EFR3A: variants seen among roughly 807,000 people sequenced by gnomAD.
EFR3A encodes the protein protein EFR3 homolog A.
A neutral mutation model predicts 104.4 loss-of-function variants in EFR3A; 76 were observed. That is an observed-to-expected ratio of 0.73 (90% CI 0.60 to 0.88). The LOEUF is 0.88. Ranked by LOEUF, EFR3A falls within the 40% of genes least tolerant of loss-of-function variation. The pLI, the probability that EFR3A is intolerant of heterozygous loss-of-function variation, is 0.00. For missense variants in EFR3A, 985 were observed against 1,012.5 expected, an observed-to-expected ratio of 0.97 and a Z score of 0.37; for synonymous variants, 330 against 330.0, an observed-to-expected ratio of 1.00 and a Z score of 0.00.
intron 1 of EFR3A, among the ~76,000 whole-genome samples, chr8:131,920,509 GA>G (rs1232217807): frequency 6.6e-6 from 1 of 152,134 alleles, no homozygotes; most frequent in Non-Finnish European, 1.5e-5. Flanking sequence ...ATAACTTCTA[GA>G]AGTGGTAAGT....
At position 131,985,149 on chromosome 8, in the gene EFR3A, T is replaced by G. The variant is rs1426565314; in HGVS notation, c.1869+89T>G. ...GATGATTATTTTTAACTTTGGTGAT[T>G]ACGTATCAAATTAAGGTAATTCTAT... On this transcript the variant is annotated intron_variant, in intron 16 of 22. Coordinates refer to ENST00000254624, the MANE Select transcript of EFR3A (RefSeq NM_015137.6). The G allele has an allele frequency of 2.2e-5, 29 of 1,310,724 alleles. No individual in the cohort carries two copies. The African/African-American group carries it at 4.3e-4, about 19-fold the overall frequency. The allele number at this position is 1,310,724 out of a possible 1,614,324, so 81.2% of individuals were successfully genotyped here. A position where few individuals can be genotyped will look rare whatever the true frequency, so the allele number is the denominator to read the frequency against.
chr8:132,010,828 C>A lies in EFR3A; in HGVS notation c.2399C>A (p.Ser800Tyr), dbSNP rs761190171. ...CCATCAGGAACACTGACCATTACTTCTGGGCATGCCCAATACCAATCTGTC... is the reference window on the plus strand; with the variant it reads ...CCATCAGGAACACTGACCATTACTTATGGGCATGCCCAATACCAATCTGTC... ...PSPSGTLTIT[S>Y]GHAQYQSVPV... is the part of the protein sequence containing the mutation. The change falls in exon 23 of 23, where the codon TCT becomes TAT. Residue 800 changes from serine to tyrosine, a missense_variant. Physicochemically the swap from Ser to Tyr is moderately radical, Grantham distance 144. Transcript: ENST00000254624. The A allele has an allele frequency of 3.7e-6, 6 of 1,612,464 alleles. No homozygotes were observed. Among genetic ancestry groups the A allele is most frequent in the Admixed American group, 3.3e-5 (2 of 59,880 alleles).
At chr8:131,940,725 C>T in intron 2 of EFR3A, 150 bp downstream of exon 2, 2 of 1,273,164 alleles carry the variant, frequency 1.6e-6, no homozygotes, top group East Asian at 2.6e-5. Flanking sequence ...CTTTTTTTTA[C>T]TCTTAAATGA....
chr8:131,936,193 C>G (rs1586564234), intron 1 of EFR3A, among the ~76,000 whole-genome samples: 1 of 152,064 alleles, frequency 6.6e-6, no homozygotes, highest in Admixed American at 6.5e-5. Flanking sequence ...TGTTTAGGGA[C>G]TAAGAGGCAT....
chr8:131,963,384 G>A (rs1715059824), intron 8 of EFR3A, among the ~76,000 whole-genome samples: 1 of 151,870 alleles, frequency 6.6e-6, no homozygotes, highest in African/African-American at 2.4e-5. Context: ...AATGATAAAG[G>A]GGATATCACC....
intron 1 of EFR3A, among the ~76,000 whole-genome samples, chr8:131,905,956 A>G (rs1387742159): frequency 2.6e-5 from 4 of 152,262 alleles, no homozygotes; most frequent in Admixed American, 2.0e-4. Flanking sequence ...TCATTCTGCA[A>G]AATGATTTTA....
intron 2 of EFR3A, among the ~76,000 whole-genome samples, chr8:131,942,887 A>T (rs1177395514): frequency 6.6e-6 from 1 of 152,122 alleles, no homozygotes; most frequent in East Asian, 1.9e-4. Context: ...ATGATTTGTA[A>T]ACTGTATGAT....
rs565356001 is a variant in EFR3A, at chr8:131,923,933, G to A, written c.11-16566G>A. The stretch of plus-strand genomic sequence containing the variant: ...TGGTAGATTTAGTTTCTTTTTTTAA[G>A]CAATTAAAAGCCCGCAGCACTGTGA... On this transcript the variant is annotated intron_variant, in intron 1 of 22. Coordinates refer to ENST00000254624, the MANE Select transcript of EFR3A (RefSeq NM_015137.6). 5.9e-5 allele frequency among the ~76,000 whole-genome samples: 9 copies of A among 152,092 alleles called. No individual in the cohort carries two copies. In the South Asian group the frequency reaches 1.9e-3, roughly 32 times the overall value.
intron 1 of EFR3A, among the ~76,000 whole-genome samples, chr8:131,928,929 G>A (rs1248429155): frequency 6.6e-6 from 1 of 151,980 alleles, no homozygotes; most frequent in African/African-American, 2.4e-5. Flanking sequence ...TGTTTATTCA[G>A]AGGTCTTCTC....
At chr8:132,006,467 AAACT>A (rs1490360253) in intron 22 of EFR3A, among the ~76,000 whole-genome samples, 4 of 152,124 alleles carry the variant, frequency 2.6e-5, no homozygotes, top group African/African-American at 9.6e-5. Context: ...TTGAAAGTCA[AAACT>A]AACTAAAATT....
intron 3 of EFR3A, among the ~76,000 whole-genome samples, chr8:131,945,937 A>G (rs1586581274): frequency 6.6e-6 from 1 of 151,838 alleles, no homozygotes. Flanking sequence ...ATCCCTCCAC[A>G]CCCTGCCCTC....
At chr8:131,905,164 G>A (rs777234888) in intron 1 of EFR3A, among the ~76,000 whole-genome samples, 2 of 152,206 alleles carry the variant, frequency 1.3e-5, no homozygotes, top group African/African-American at 4.8e-5. Flanking sequence ...CTGATCTTGG[G>A]TAGAGAGGAA....
intron 8 of EFR3A, among the ~76,000 whole-genome samples, chr8:131,967,945 C>T (rs1586622241): frequency 1.3e-5 from 2 of 151,986 alleles, no homozygotes; most frequent in South Asian, 4.1e-4. Context: ...TTTGAAATTA[C>T]AGAGAAATAT....
At chr8:131,929,806 G>C (rs896355094) in intron 1 of EFR3A, among the ~76,000 whole-genome samples, 1 of 152,104 alleles carries the variant, frequency 6.6e-6, no homozygotes, top group Admixed American at 6.6e-5. Context: ...TCTCTGAGTT[G>C]AGAACCAACT....
Position 132,011,308 on chromosome 8 carries a change from T to C in EFR3A, c.*413T>C, listed in dbSNP as rs1822334047. On this transcript the variant is annotated 3_prime_UTR_variant, in exon 23 of 23. Transcript: ENST00000254624. ...ATGTAGAATTTTTGTTGTTGTTTTC[T>C]GCAAAGGCAGATACATTTAAATATA... is the stretch of plus-strand genomic sequence containing the variant. The C allele has an allele frequency of 9.1e-6, 9 of 988,290 alleles. No homozygotes were observed. The South Asian group carries it at 4.2e-4, about 46-fold the overall frequency. 61.2% of individuals were successfully genotyped at this position (988,290 alleles called of 1,614,324 possible). A position where few individuals can be genotyped will look rare whatever the true frequency, so the allele number is the denominator to read the frequency against.
chr8:131,973,510 A>G (rs1180237906), intron 10 of EFR3A, among the ~76,000 whole-genome samples: 2 of 152,204 alleles, frequency 1.3e-5, no homozygotes, highest in Non-Finnish European at 2.9e-5. Context: ...TCAGAATAAC[A>G]TGTAAGAATT....
intron 4 of EFR3A, among the ~76,000 whole-genome samples, chr8:131,947,936 G>C (rs1818516548): frequency 6.6e-6 from 1 of 151,838 alleles, no homozygotes; most frequent in Admixed American, 6.6e-5. Flanking sequence ...CTTCTATCTT[G>C]AACCATTGTC....
chr8:131,987,807 A>T, intron 18 of EFR3A, 105 bp downstream of exon 18: 1 of 1,218,104 alleles, frequency 8.2e-7, no homozygotes, highest in Non-Finnish European at 1.1e-6. Context: ...GTGTGTCCTT[A>T]CTATAGCCCA....
chr8:131,945,131 C>G (rs1289184683), intron 3 of EFR3A, among the ~76,000 whole-genome samples: 1 of 151,778 alleles, frequency 6.6e-6, no homozygotes, highest in Non-Finnish European at 1.5e-5. Context: ...ATTTTTGAGT[C>G]TTTTCTAATG....
Sources: gnomAD v4.1 joint callset for allele counts (sites outside exome capture counted in the v4.1 genomes callset) on GRCh38, gnomAD v4.1.1 for gene constraint, MANE v1.5 for transcripts, NCBI Gene and HGNC (gene_info 2026-07-23, HGNC 2026-07-21) for gene names.